CDK8: variants seen among roughly 807,000 people sequenced by gnomAD.
The protein encoded by CDK8 is cyclin dependent kinase 8, also known as cyclin-dependent kinase 8.
CDK8 carries 29 observed loss-of-function variants against 71.5 expected under a neutral mutation model. The ratio of observed to expected loss-of-function variants is 0.41; its 90% confidence interval spans 0.30 to 0.55. CDK8 has a LOEUF of 0.55. Among genes scored for constraint, CDK8 ranks in the 20% least tolerant of loss-of-function variants. The probability of loss-of-function intolerance (pLI) is 0.37; values close to 1 mark genes in which losing one functional copy is unlikely to be tolerated. For synonymous variants in CDK8, 161 were observed against 192.1 expected, an observed-to-expected ratio of 0.84 and a Z score of 1.34; for missense variants, 288 against 572.6, an observed-to-expected ratio of 0.50 and a Z score of 5.07.
At chr13:26,300,046 C>T (rs1016366972) in intron 1 of CDK8, among the ~76,000 whole-genome samples, 1 of 152,018 alleles carries the variant, frequency 6.6e-6, no homozygotes, top group Non-Finnish European at 1.5e-5. Context: ...GACCTACTAC[C>T]TTCAGTAGTC....
chr13:26,316,150 G>A (rs1226340978), intron 1 of CDK8, among the ~76,000 whole-genome samples: 3 of 152,194 alleles, frequency 2.0e-5, no homozygotes, highest in Non-Finnish European at 4.4e-5. Flanking sequence ...GTTGAGTCCA[G>A]GAGTTCTAGA....
intron 4 of CDK8, among the ~76,000 whole-genome samples, chr13:26,369,404 G>A (rs537419767): frequency 2.2e-3 from 276 of 124,560 alleles, no homozygotes; most frequent in Non-Finnish European, 3.4e-3. Flanking sequence ...AGCCAAGATC[G>A]CACCACTGCA....
At chr13:26,332,164 C>T (rs931709363) in intron 1 of CDK8, among the ~76,000 whole-genome samples, 6 of 151,950 alleles carry the variant, frequency 3.9e-5, no homozygotes, top group Non-Finnish European at 8.8e-5. Context: ...TTGTAACCTG[C>T]AACTTTACTG....
chr13:26,326,187 T>C (rs1875009263), intron 1 of CDK8, among the ~76,000 whole-genome samples: 1 of 152,204 alleles, frequency 6.6e-6, no homozygotes. Context: ...TTTAAAGAGT[T>C]GCTTAGTAGT....
At chr13:26,329,413 A>G (rs1411618185) in intron 1 of CDK8, among the ~76,000 whole-genome samples, 1 of 145,894 alleles carries the variant, frequency 6.9e-6, no homozygotes, top group Non-Finnish European at 1.5e-5. Context: ...GACACTCTAC[A>G]TACCTCTTTT....
intron 4 of CDK8, among the ~76,000 whole-genome samples, chr13:26,364,421 C>T (rs1222887571): frequency 6.6e-6 from 1 of 151,926 alleles, no homozygotes; most frequent in Non-Finnish European, 1.5e-5. Flanking sequence ...TTTTGGAAGC[C>T]CTTGCACTAG....
chr13:26,265,447 TAA>T (rs1481549149), intron 1 of CDK8, among the ~76,000 whole-genome samples: 5 of 152,176 alleles, frequency 3.3e-5, no homozygotes, highest in Non-Finnish European at 7.3e-5. Context: ...GGGCAATAAA[TAA>T]GAGTTAGTGG....
At chr13:26,276,083 G>A (rs1020858981) in intron 1 of CDK8, among the ~76,000 whole-genome samples, 1 of 152,020 alleles carries the variant, frequency 6.6e-6, no homozygotes, top group Non-Finnish European at 1.5e-5. Context: ...GGATGGTCTC[G>A]ATCTCTTGAC....
chr13:26,335,418 G>A (rs374175876), intron 1 of CDK8, among the ~76,000 whole-genome samples: 5 of 151,868 alleles, frequency 3.3e-5, no homozygotes, highest in East Asian at 1.9e-4. Flanking sequence ...CTTTGCTCTC[G>A]TTGAACCTAC....
chr13:26,273,535 T>C (rs1872426889), intron 1 of CDK8, among the ~76,000 whole-genome samples: 2 of 152,098 alleles, frequency 1.3e-5, no homozygotes, highest in Admixed American at 1.3e-4. Context: ...ATTTATTTGG[T>C]ATTATATAAT....
Position 26,370,230 on chromosome 13 carries a change from A to C in CDK8, c.457-12584A>C, listed in dbSNP as rs569199427. Among the ~76,000 whole-genome samples the C allele has an allele frequency of 1.4e-4, 22 of 152,346 alleles. 1 individual carries two copies. In the South Asian group the frequency reaches 4.6e-3, roughly 32 times the overall value. ...ATGCCTACAACCCTAAACCATTATC[A>C]CCTGTAAATACTTAAGCATATGTCT... is the stretch of plus-strand genomic sequence containing the variant. On this transcript the variant is annotated intron_variant, in intron 4 of 12. Coordinates refer to ENST00000381527, the MANE Select transcript of CDK8 (RefSeq NM_001260.3).
chr13:26,322,665 A>G (rs922514658), intron 1 of CDK8, among the ~76,000 whole-genome samples: 3 of 152,194 alleles, frequency 2.0e-5, no homozygotes, highest in African/African-American at 7.2e-5. Context: ...GCTAAATTGT[A>G]TATTGAAAAT....
chr13:26,280,530 G>A (rs983608401), intron 1 of CDK8, among the ~76,000 whole-genome samples: 4 of 152,172 alleles, frequency 2.6e-5, no homozygotes, highest in African/African-American at 9.7e-5. Flanking sequence ...CAGTGATATA[G>A]TGGTACCACA....
At chr13:26,353,593 G>A in intron 3 of CDK8, 147 bp from the exon 4 acceptor site, 1 of 636,128 alleles carries the variant, frequency 1.6e-6, no homozygotes. Flanking sequence ...TTTTAAAGTT[G>A]TTTATGTTAT....
chr13:26,376,637 C>CATT (rs1874965584), intron 4 of CDK8, among the ~76,000 whole-genome samples: 7 of 152,108 alleles, frequency 4.6e-5, no homozygotes, highest in Admixed American at 4.6e-4. Flanking sequence ...CTAGGCTCTG[C>CATT]TACAGGAAGT....
intron 1 of CDK8, among the ~76,000 whole-genome samples, chr13:26,322,749 C>T (rs1001864734): frequency 5.3e-5 from 8 of 152,156 alleles, no homozygotes; most frequent in African/African-American, 1.9e-4. Context: ...CTTCTTCCCT[C>T]CAGTCTTGAT....
intron 2 of CDK8, 38 bp downstream of exon 2, chr13:26,337,680 G>A (rs753337879): frequency 3.2e-6 from 3 of 950,174 alleles, no homozygotes; most frequent in Non-Finnish European, 4.5e-6. Context: ...ATTATCAACT[G>A]ACTTATGAGT....
intron 12 of CDK8, among the ~76,000 whole-genome samples, chr13:26,402,473 A>C (rs962777954): frequency 6.6e-6 from 1 of 152,214 alleles, no homozygotes; most frequent in Admixed American, 6.5e-5. Flanking sequence ...TACACACAAA[A>C]AAAAAGAGAG....
intron 4 of CDK8, among the ~76,000 whole-genome samples, chr13:26,371,063 C>T (rs187425079): frequency 8.5e-5 from 13 of 152,100 alleles, no homozygotes; most frequent in East Asian, 1.9e-4. Flanking sequence ...GAACTTCTTG[C>T]GGGCCTTATC....
Sources: allele counts gnomAD v4.1 joint callset (sites outside exome capture counted in the v4.1 genomes callset), GRCh38; gene constraint gnomAD v4.1.1; transcripts MANE v1.5; gene names NCBI Gene and HGNC (gene_info 2026-07-23, HGNC 2026-07-21).